KCND2: variants seen among roughly 807,000 people sequenced by gnomAD.
KCND2 encodes A-type voltage-gated potassium channel KCND2.
A neutral mutation model predicts 54.4 loss-of-function variants in KCND2; 16 were observed. The observed-to-expected ratio is 0.29, with a 90% CI of 0.20 to 0.45. KCND2 has a LOEUF of 0.45. Among genes scored for constraint, KCND2 ranks in the 20% least tolerant of loss-of-function variants. KCND2 has a pLI of 1.00. For missense variants in KCND2, 486 were observed against 824.2 expected (o/e 0.59, Z 5.02); for synonymous variants, 317 against 310.7 (o/e 1.02, Z -0.21).
intron 1 of KCND2, among the ~76,000 whole-genome samples, chr7:120,459,759 C>A (rs1259706024): frequency 1.3e-5 from 2 of 152,166 alleles, no homozygotes; most frequent in Admixed American, 6.6e-5. Flanking sequence ...TTTACTTTTT[C>A]TTTTTGTGCC....
chr7:120,735,564 G>C (rs1331476633), intron 2 of KCND2, among the ~76,000 whole-genome samples: 1 of 151,880 alleles, frequency 6.6e-6, no homozygotes, highest in Non-Finnish European at 1.5e-5. Context: ...AATCAATAAA[G>C]AAAACCTTAG....
chr7:120,336,421 G>T (rs1800153581), intron 1 of KCND2, among the ~76,000 whole-genome samples: 1 of 152,202 alleles, frequency 6.6e-6, no homozygotes, highest in East Asian at 1.9e-4. Flanking sequence ...GGTCCATCTT[G>T]TGATTGCATG....
chr7:120,740,743 C>T (rs778297852), intron 2 of KCND2: 1 of 425,992 alleles, frequency 2.3e-6, no homozygotes, highest in Non-Finnish European at 4.7e-6. Flanking sequence ...CACACACACA[C>T]AAAATGCTTT....
intron 1 of KCND2, among the ~76,000 whole-genome samples, chr7:120,575,721 C>T (rs1792423505): frequency 6.6e-6 from 1 of 152,122 alleles, no homozygotes; most frequent in South Asian, 2.1e-4. Context: ...GTTTTGGGTG[C>T]TTAAATCAAA....
At chr7:120,446,946 C>T (rs1202554097) in intron 1 of KCND2, among the ~76,000 whole-genome samples, 3 of 152,136 alleles carry the variant, frequency 2.0e-5, no homozygotes, top group Non-Finnish European at 4.4e-5. Flanking sequence ...GAGATTCAAA[C>T]TTTCATTCAG....
intron 1 of KCND2, among the ~76,000 whole-genome samples, chr7:120,445,696 C>CT (rs1266300897): frequency 6.6e-6 from 1 of 151,842 alleles, no homozygotes; most frequent in Non-Finnish European, 1.5e-5. Context: ...AAAGATAAAC[C>CT]AACAGTTATC....
At chr7:120,519,477 G>A (rs1209305976) in intron 1 of KCND2, among the ~76,000 whole-genome samples, 2 of 152,144 alleles carry the variant, frequency 1.3e-5, no homozygotes, top group African/African-American at 4.8e-5. Flanking sequence ...ACCTGTCTGA[G>A]CTTGGGAGCA....
chr7:120,689,784 G>C (rs1364581555), intron 1 of KCND2, among the ~76,000 whole-genome samples: 1 of 152,140 alleles, frequency 6.6e-6, no homozygotes, highest in African/African-American at 2.4e-5. Flanking sequence ...CTACTGAAGA[G>C]GCAAATGAAA....
chr7:120,421,564 C>G (rs981873907), intron 1 of KCND2, among the ~76,000 whole-genome samples: 1 of 152,226 alleles, frequency 6.6e-6, no homozygotes, highest in East Asian at 1.9e-4. Context: ...GGATCACACT[C>G]TCTGTGATGA....
chr7:120,728,861 A>G (rs1269241821), intron 1 of KCND2, among the ~76,000 whole-genome samples: 1 of 152,126 alleles, frequency 6.6e-6, no homozygotes, highest in East Asian at 1.9e-4. Flanking sequence ...GAAAAATGAG[A>G]TATATTTTTT....
intron 1 of KCND2, among the ~76,000 whole-genome samples, chr7:120,532,761 A>G (rs1468511911): frequency 2.0e-5 from 3 of 152,026 alleles, no homozygotes; most frequent in South Asian, 2.1e-4. Flanking sequence ...CAATTAAAAA[A>G]CTATATGCAT....
intron 1 of KCND2, among the ~76,000 whole-genome samples, chr7:120,668,530 T>A (rs924350149): frequency 1.3e-5 from 2 of 152,086 alleles, no homozygotes; most frequent in Non-Finnish European, 2.9e-5. Flanking sequence ...TTTCAAAATG[T>A]TTCTTAACAT....
At chr7:120,378,671 G>A (rs1040061333) in intron 1 of KCND2, among the ~76,000 whole-genome samples, 2 of 151,928 alleles carry the variant, frequency 1.3e-5, no homozygotes, top group African/African-American at 2.4e-5. Context: ...GGATTGCCTT[G>A]TCATATAAAT....
chr7:120,750,273 C>A lies in KCND2; in HGVS notation c.*2415C>A, dbSNP rs532270280. On this transcript the variant is annotated 3_prime_UTR_variant, in exon 6 of 6. Coordinates refer to ENST00000331113, the MANE Select transcript of KCND2 (RefSeq NM_012281.3). Reference sequence around the variant, plus strand: ...AGGATAGCATAATATCTGCATTATGCTGGAAAAAAATAGACCTTTGGAGAA... The same window carrying A: ...AGGATAGCATAATATCTGCATTATGATGGAAAAAAATAGACCTTTGGAGAA... 6.6e-6 allele frequency: 1 copy of A among 152,418 alleles called. No individual in the cohort carries two copies. The highest frequency in any genetic ancestry group is 1.5e-5 in the Non-Finnish European group (1 of 67,864). The allele number at this position is 152,418 out of a possible 1,614,324, so 9.4% of individuals were successfully genotyped here. A position where few individuals can be genotyped will look rare whatever the true frequency, so the allele number is the denominator to read the frequency against.
At chr7:120,738,980 G>A (rs1415355862) in intron 2 of KCND2, among the ~76,000 whole-genome samples, 1 of 151,978 alleles carries the variant, frequency 6.6e-6, no homozygotes, top group Non-Finnish European at 1.5e-5. Flanking sequence ...ATTTAGATGG[G>A]AAGTTCTTTT....
At chr7:120,571,788 G>A (rs1044933323) in intron 1 of KCND2, among the ~76,000 whole-genome samples, 2 of 152,168 alleles carry the variant, frequency 1.3e-5, no homozygotes, top group African/African-American at 4.8e-5. Flanking sequence ...TGATCCAGTA[G>A]TGTAGTCTTC....
At chr7:120,743,542 G>A (rs928593416) in intron 4 of KCND2, among the ~76,000 whole-genome samples, 7 of 152,166 alleles carry the variant, frequency 4.6e-5, no homozygotes, top group African/African-American at 1.7e-4. Flanking sequence ...AGCAACAACG[G>A]TGCCACAGTC....
At chr7:120,420,977 A>G (rs1430336747) in intron 1 of KCND2, among the ~76,000 whole-genome samples, 1 of 152,244 alleles carries the variant, frequency 6.6e-6, no homozygotes, top group African/African-American at 2.4e-5. Context: ...TATATGTAAC[A>G]GTTACAGTAA....
chr7:120,643,600 G>A (rs1044797556), intron 1 of KCND2, among the ~76,000 whole-genome samples: 1 of 151,884 alleles, frequency 6.6e-6, no homozygotes, highest in African/African-American at 2.4e-5. Context: ...AGGCATATTA[G>A]AAGCCAAAGT....
Sources: gnomAD v4.1 joint callset for allele counts (sites outside exome capture counted in the v4.1 genomes callset) on GRCh38, gnomAD v4.1.1 for gene constraint, MANE v1.5 for transcripts, NCBI Gene and HGNC (gene_info 2026-07-23, HGNC 2026-07-21) for gene names.